The following AKAP13 variants were observed in gnomAD, a reference collection of about 807,000 sequenced individuals.
The protein encoded by AKAP13 is A-kinase anchor protein 13.
Under a neutral mutation model 264.5 loss-of-function variants are expected in AKAP13, and 80 were observed. The observed-to-expected ratio is 0.30, with a 90% CI of 0.25 to 0.36. The LOEUF (loss-of-function observed/expected upper bound fraction) is 0.36, where lower values mean the gene tolerates loss of function less well. Ranked by LOEUF, AKAP13 falls within the 10% of genes least tolerant of loss-of-function variation. The pLI is 1.00. For synonymous variants in AKAP13, 1,380 were observed against 1,250.2 expected (o/e 1.10, Z -2.19); for missense variants, 3,712 against 3,435.2 (o/e 1.08, Z -2.01).
At chr15:85,477,968 T>G (rs1244083192) in intron 1 of AKAP13, among the ~76,000 whole-genome samples, 3 of 152,186 alleles carry the variant, frequency 2.0e-5, no homozygotes, top group Non-Finnish European at 2.9e-5. Flanking sequence ...GTGCTGTTCC[T>G]TCTATCCTGT....
intron 15 of AKAP13, 112 bp from the exon 16 acceptor site, chr15:85,684,629 G>T: frequency 8.9e-7 from 1 of 1,128,236 alleles, no homozygotes; most frequent in Non-Finnish European, 1.2e-6. Flanking sequence ...GGGCGTTGTG[G>T]CATACTCTAT....
chr15:85,599,172 C>T (rs2079946137), intron 8 of AKAP13, among the ~76,000 whole-genome samples: 1 of 152,186 alleles, frequency 6.6e-6, no homozygotes, highest in Non-Finnish European at 1.5e-5. Context: ...CCTGCTCTTT[C>T]CTCCTTGAGT....
intron 3 of AKAP13, among the ~76,000 whole-genome samples, chr15:85,527,393 CA>C (rs201897884): frequency 0.019 from 2,862 of 151,526 alleles, 103 homozygotes; most frequent in African/African-American, 0.066. Flanking sequence ...CTTTTGGGAC[CA>C]AAAAAAACTT....
chr15:85,396,672 A>G (rs2071128601), intron 1 of AKAP13, among the ~76,000 whole-genome samples: 2 of 152,320 alleles, frequency 1.3e-5, no homozygotes, highest in South Asian at 4.1e-4. Context: ...TCTGTAAAAC[A>G]AGGCACGATA....
At chr15:85,610,928 G>A (rs892230305) in intron 8 of AKAP13, among the ~76,000 whole-genome samples, 5 of 152,176 alleles carry the variant, frequency 3.3e-5, no homozygotes, top group African/African-American at 4.8e-5. Context: ...GCAGTGAGTC[G>A]ACATCGCGCC....
At chr15:85,546,933 G>C (rs951309303) in intron 5 of AKAP13, among the ~76,000 whole-genome samples, 1 of 151,914 alleles carries the variant, frequency 6.6e-6, no homozygotes, top group East Asian at 1.9e-4. Flanking sequence ...TAGTAGAGAC[G>C]GGGTTTCACC....
intron 1 of AKAP13, among the ~76,000 whole-genome samples, chr15:85,392,260 T>C (rs2070900089): frequency 7.0e-6 from 1 of 143,126 alleles, no homozygotes; most frequent in Non-Finnish European, 1.5e-5. Flanking sequence ...AATTTTTTTT[T>C]TTTTTTTTTT....
intron 17 of AKAP13, among the ~76,000 whole-genome samples, chr15:85,706,770 C>T (rs1044791306): frequency 6.6e-6 from 1 of 152,136 alleles, no homozygotes; most frequent in Non-Finnish European, 1.5e-5. Context: ...GTCCCTGCCC[C>T]AGAGAGGGGA....
rs113319032 is a variant in AKAP13 at position 85,736,029 on chromosome 15, C to T, written c.7513-61C>T. ...AGCTACAGCCTAACACAGAAACACA[C>T]TGAATGTCATTTTTGCATCAAGATC... On this transcript the variant is annotated intron_variant, in intron 32 of 36. Transcript: ENST00000394518. 252 of 1,312,274 alleles carry T rather than the reference C, an allele frequency of 1.9e-4. No individual in the cohort carries two copies. The African/African-American group carries it at 2.8e-3, about 14-fold the overall frequency. 81.3% of individuals were successfully genotyped at this position (1,312,274 alleles called of 1,614,324 possible).
chr15:85,641,964 A>G (rs1187249963), intron 9 of AKAP13, among the ~76,000 whole-genome samples: 2 of 152,376 alleles, frequency 1.3e-5, no homozygotes, highest in South Asian at 4.1e-4. Flanking sequence ...CTAAATGACT[A>G]GATAACACCT....
chr15:85,673,666 C>CTTTTTTTTTTTTTTTTTT lies in AKAP13; in HGVS notation c.5101+3845_5101+3862dup, dbSNP rs386383664. The stretch of plus-strand genomic sequence containing the variant: ...TTACAGATGATCCCTTTCTTTCTTT[C>CTTTTTTTTTTTTTTTTTT]TTTTTTTTTTTTTTTTTTTTTTTTT... On this transcript the variant is annotated intron_variant, in intron 14 of 36. Transcript: ENST00000394518. Among the ~76,000 whole-genome samples the CTTTTTTTTTTTTTTTTTT allele has an allele frequency of 4.5e-4, 35 of 77,540 alleles. 1 individual carries two copies. Among genetic ancestry groups the CTTTTTTTTTTTTTTTTTT allele is most frequent in the African/African-American group, 1.8e-3 (32 of 17,820 alleles). The allele number at this position is 77,540 out of a possible 152,430, so 50.9% of individuals were successfully genotyped here.
chr15:85,501,305 A>G (rs141880802), intron 2 of AKAP13, among the ~76,000 whole-genome samples: 28 of 152,334 alleles, frequency 1.8e-4, no homozygotes, highest in African/African-American at 6.7e-4. Context: ...TCCCTGTGAA[A>G]TTTATTATAT....
chr15:85,732,586 T>G (rs991728082), intron 30 of AKAP13, among the ~76,000 whole-genome samples: 2 of 150,600 alleles, frequency 1.3e-5, no homozygotes, highest in Non-Finnish European at 3.0e-5. Flanking sequence ...GACTACAGTG[T>G]TTGTTTTTTT....
chr15:85,640,421 A>T (rs2082257503), intron 9 of AKAP13, among the ~76,000 whole-genome samples: 1 of 152,214 alleles, frequency 6.6e-6, no homozygotes, highest in Non-Finnish European at 1.5e-5. Context: ...AGTAGTATTA[A>T]ATTTAAAAAC....
At position 85,580,928 on chromosome 15, in the gene AKAP13, C is replaced by A; in HGVS notation, c.2860C>A (p.Pro954Thr). The change falls in exon 7 of 37, where the codon CCA becomes ACA. Residue 954 changes from proline to threonine, a missense_variant. Around this residue, in one of 3 missense-constraint regions of AKAP13, gnomAD observed 2,759 missense variants for 2,411.7 expected, o/e 1.14. Transcript: ENST00000394518. ...AACTTTGCAGGAAGAGCAGAGAACA[C>A]CACCTCCTGGACAAGATACTCAACA... ...SGTLQEEQRT[P>T]PPGQDTQQFH... is the part of the protein sequence containing the mutation. 1 of 1,614,134 alleles carries A rather than the reference C, an allele frequency of 6.2e-7. No homozygotes were observed. Among genetic ancestry groups the A allele is most frequent in the Non-Finnish European group, 8.5e-7 (1 of 1,180,010 alleles).
chr15:85,696,308 A>G (rs962769305), intron 17 of AKAP13, among the ~76,000 whole-genome samples: 1 of 152,230 alleles, frequency 6.6e-6, no homozygotes, highest in African/African-American at 2.4e-5. Context: ...ACATGCTGAA[A>G]GTAAACAAAT....
chr15:85,520,408 G>A (rs535935180), intron 2 of AKAP13, among the ~76,000 whole-genome samples: 1 of 150,120 alleles, frequency 6.7e-6, no homozygotes, highest in East Asian at 2.0e-4. Context: ...TGAGACATGA[G>A]GATCGCTTGA....
intron 2 of AKAP13, among the ~76,000 whole-genome samples, chr15:85,512,356 C>T (rs781694145): frequency 6.6e-6 from 1 of 152,158 alleles, no homozygotes; most frequent in Non-Finnish European, 1.5e-5. Flanking sequence ...TCTTGCTTCT[C>T]CTCCCTTCTC....
Position 85,514,547 on chromosome 15 carries a change from G to C in AKAP13, c.34-6881G>C, listed in dbSNP as rs2076542967. Among the ~76,000 whole-genome samples the C allele has an allele frequency of 1.5e-5, 2 of 137,862 alleles. 1 individual carries two copies. Among genetic ancestry groups the C allele is most frequent in the Non-Finnish European group, 3.1e-5 (2 of 64,564 alleles). The allele number at this position is 137,862 out of a possible 152,430, so 90.4% of individuals were successfully genotyped here. On this transcript the variant is annotated intron_variant, in intron 2 of 36. Coordinates refer to ENST00000394518, the MANE Select transcript of AKAP13 (RefSeq NM_007200.5). ...AAGGGACTCGGTTCTTTTTATTGGA[G>C]AATGGTATTAGTGACCAATGCCTGT...
Sources: allele counts gnomAD v4.1 joint callset (sites outside exome capture counted in the v4.1 genomes callset), GRCh38; gene constraint gnomAD v4.1.1; regional missense constraint gnomAD v4.1.1; transcripts MANE v1.5; gene names NCBI Gene and HGNC (gene_info 2026-07-23, HGNC 2026-07-21).